SFXN5: variants seen among roughly 807,000 people sequenced by gnomAD.
SFXN5 encodes the protein sideroflexin 5, also known as sideroflexin-5.
Under a neutral mutation model 50.2 loss-of-function variants are expected in SFXN5, and 43 were observed. The ratio of observed to expected loss-of-function variants is 0.86; its 90% confidence interval spans 0.67 to 1.11. The LOEUF is 1.11. Ranked by LOEUF, SFXN5 falls within the 50% of genes least tolerant of loss-of-function variation. SFXN5 has a pLI of 0.00. For missense variants in SFXN5, 463 were observed against 454.1 expected, an observed-to-expected ratio of 1.02 and a Z score of -0.18; for synonymous variants, 203 against 185.8, an observed-to-expected ratio of 1.09 and a Z score of -0.75.
chr2:73,034,698 T>A (rs992295986), intron 3 of SFXN5, among the ~76,000 whole-genome samples: 1 of 152,104 alleles, frequency 6.6e-6, no homozygotes, highest in Non-Finnish European at 1.5e-5. Context: ...ACACTCCCCA[T>A]CACTCCAGTT....
intron 10 of SFXN5, among the ~76,000 whole-genome samples, chr2:72,987,534 G>A (rs1362525203): frequency 1.3e-5 from 2 of 151,598 alleles, no homozygotes; most frequent in Admixed American, 1.3e-4. Flanking sequence ...GAGGCAGGTG[G>A]ATCATGAGGT....
chr2:73,044,215 A>C (rs550566885), intron 2 of SFXN5, among the ~76,000 whole-genome samples: 1 of 152,330 alleles, frequency 6.6e-6, no homozygotes, highest in South Asian at 2.1e-4. Context: ...AATTCCAAAG[A>C]GCCCTCATCT....
chr2:73,054,952 T>C (rs929791297), intron 2 of SFXN5, among the ~76,000 whole-genome samples: 14 of 152,348 alleles, frequency 9.2e-5, no homozygotes, highest in African/African-American at 3.4e-4. Context: ...GCAACTAAAA[T>C]ACCTATGCCC....
At chr2:73,017,304 T>C (rs1415173009) in intron 6 of SFXN5, among the ~76,000 whole-genome samples, 3 of 152,202 alleles carry the variant, frequency 2.0e-5, no homozygotes, top group Non-Finnish European at 4.4e-5. Flanking sequence ...TGAGTGTATC[T>C]TTTTAATAGC....
chr2:73,054,715 C>T (rs1681865990), intron 2 of SFXN5, among the ~76,000 whole-genome samples: 4 of 152,212 alleles, frequency 2.6e-5, no homozygotes, highest in Non-Finnish European at 5.9e-5. Flanking sequence ...ATTAGCACCT[C>T]TATCCTTTAA....
rs1673936961 is a variant in SFXN5 at position 73,001,689 on chromosome 2, G to A, written c.358-111C>T. 6 of 1,037,382 alleles carry A rather than the reference G, an allele frequency of 5.8e-6. No homozygotes were observed. In the Admixed American group the frequency reaches 6.0e-5, roughly 10 times the overall value. 64.3% of individuals were successfully genotyped at this position (1,037,382 alleles called of 1,614,324 possible). On this transcript the variant is annotated intron_variant, in intron 6 of 13. Coordinates refer to ENST00000272433, the MANE Select transcript of SFXN5 (RefSeq NM_144579.3). ...GTGAGCTGGATCTGTACAAACTGAT[G>A]TGGTATGCCGTGTACATACAAACTG... is the stretch of plus-strand genomic sequence containing the variant.
intron 3 of SFXN5, among the ~76,000 whole-genome samples, chr2:73,029,284 G>A (rs544397108): frequency 3.9e-5 from 6 of 152,304 alleles, no homozygotes; most frequent in South Asian, 2.1e-4. Flanking sequence ...TTCAGCCTCC[G>A]AAACCTGGGC....
chr2:73,015,904 C>CCATGA (rs1676085899), intron 6 of SFXN5, among the ~76,000 whole-genome samples: 1 of 150,586 alleles, frequency 6.6e-6, no homozygotes, highest in African/African-American at 2.4e-5. Context: ...CATCACTGCA[C>CCATGA]TCCAGCCTGG....
At chr2:72,993,351 C>T (rs145416444) in intron 9 of SFXN5, among the ~76,000 whole-genome samples, 290 of 152,284 alleles carry the variant, frequency 1.9e-3, no homozygotes, top group Middle Eastern at 0.014. Context: ...GCCAGCCTGC[C>T]GCTTGGCAAT....
In SFXN5 at chr2:72,968,518, C is replaced by T; in HGVS notation, c.757G>A (p.Ala253Thr). Residue 253 changes from alanine (A) to threonine (T), a missense_variant, in exon 12 of 14, where the codon GCG (alanine) becomes ACG (threonine). Physicochemically the swap from Ala to Thr is moderately conservative, Grantham distance 58. Coordinates refer to ENST00000272433, the MANE Select transcript of SFXN5 (RefSeq NM_144579.3). ...IAARHALLET[A>T]LTRVVLPMPI... The stretch of plus-strand genomic sequence containing the variant: ...ATGGGCAGGACCACTCGCGTCAGCG[C>T]CGTCTCCAGCAGGGCCTGAGGGGCA... 6.2e-7 allele frequency: 1 copy of T among 1,613,438 alleles called. No individual in the cohort carries two copies. The highest frequency in any genetic ancestry group is 8.5e-7 in the Non-Finnish European group (1 of 1,180,008).
At chr2:72,949,594 C>G (rs1314918158) in intron 13 of SFXN5, among the ~76,000 whole-genome samples, 3 of 152,032 alleles carry the variant, frequency 2.0e-5, no homozygotes, top group Admixed American at 2.0e-4. Context: ...CAGGCATGAG[C>G]CACCGTGCCT....
rs532507638 is a variant in SFXN5 at position 73,063,604 on chromosome 2, T to C, written c.103-5008A>G. 3.7e-4 allele frequency among the ~76,000 whole-genome samples: 57 copies of C among 152,286 alleles called. 1 individual carries two copies. The highest frequency in any genetic ancestry group is 6.8e-3 in the Middle Eastern group (2 of 294). On this transcript the variant is annotated intron_variant, in intron 1 of 13. Coordinates refer to ENST00000272433, the MANE Select transcript of SFXN5 (RefSeq NM_144579.3). ...CTTATTTGCAGCTATGGGTTGATTC[T>C]CCGAGGCAAAGTGACTTAGACCTGC...
At chr2:72,963,461 G>A (rs947594239) in intron 12 of SFXN5, among the ~76,000 whole-genome samples, 1 of 151,924 alleles carries the variant, frequency 6.6e-6, no homozygotes, top group Non-Finnish European at 1.5e-5. Context: ...AAGGAGTCAG[G>A]CCTGAGGCTG....
chr2:72,964,882 C>T (rs866148262), intron 12 of SFXN5, among the ~76,000 whole-genome samples: 17 of 152,280 alleles, frequency 1.1e-4, no homozygotes, highest in Middle Eastern at 3.4e-3. Context: ...CCAGGCTGGA[C>T]GGGTTCAGTC....
intron 1 of SFXN5, among the ~76,000 whole-genome samples, chr2:73,064,900 C>A (rs1392547988): frequency 2.0e-5 from 3 of 152,238 alleles, no homozygotes; most frequent in African/African-American, 7.2e-5. Flanking sequence ...GATTCTCCCA[C>A]CTCACCCTCT....
intron 13 of SFXN5, among the ~76,000 whole-genome samples, chr2:72,955,132 C>T (rs1350822469): frequency 6.6e-6 from 1 of 152,192 alleles, no homozygotes; most frequent in Non-Finnish European, 1.5e-5. Flanking sequence ...CCTCACTCAT[C>T]CACAGACAAG....
rs1436744678 is a variant in SFXN5 at position 72,988,270 on chromosome 2, A to ACGG, written c.610_612dup (p.Pro204dup). The ACGG allele has an allele frequency of 6.2e-7, 1 of 1,613,716 alleles. No homozygotes were observed. The highest frequency in any genetic ancestry group is 1.1e-5 in the South Asian group (1 of 91,062). On this transcript the variant is annotated inframe_insertion, in exon 10 of 14. Transcript: ENST00000272433. ...GTGCAGGTCTTACCTACAGCAGGGA[A>ACGG]CGGCACAAACCTCTGGATGAGAAGG...
At chr2:72,951,984 G>T (rs1029676467) in intron 13 of SFXN5, among the ~76,000 whole-genome samples, 1 of 152,150 alleles carries the variant, frequency 6.6e-6, no homozygotes, top group African/African-American at 2.4e-5. Context: ...ACACATCCAG[G>T]CCCCACCTTT....
At chr2:72,982,953 G>A (rs1053607080) in intron 10 of SFXN5, among the ~76,000 whole-genome samples, 8 of 152,228 alleles carry the variant, frequency 5.3e-5, no homozygotes, top group African/African-American at 1.7e-4. Flanking sequence ...TGAATGCCAC[G>A]TGAAGCACCA....
Sources: allele counts gnomAD v4.1 joint callset (sites outside exome capture counted in the v4.1 genomes callset), GRCh38; gene constraint gnomAD v4.1.1; transcripts MANE v1.5; gene names NCBI Gene and HGNC (gene_info 2026-07-23, HGNC 2026-07-21).